The following RABGAP1L variants were observed in gnomAD, a reference collection of about 807,000 sequenced individuals.
RABGAP1L encodes RAB GTPase activating protein 1 like.
In RABGAP1L, 63 loss-of-function variants were observed where a neutral mutation model predicts 137.7. That is an observed-to-expected ratio of 0.46 (90% CI 0.37 to 0.56). RABGAP1L has a LOEUF of 0.56. Ranked by LOEUF, RABGAP1L falls within the 20% of genes least tolerant of loss-of-function variation. The pLI is 0.00. For missense variants in RABGAP1L, 1,095 were observed against 1,244.0 expected (o/e 0.88, Z 1.80); for synonymous variants, 431 against 433.7 (o/e 0.99, Z 0.08).
intron 14 of RABGAP1L, among the ~76,000 whole-genome samples, chr1:174,659,855 A>G (rs541159025): frequency 2.6e-5 from 4 of 152,252 alleles, no homozygotes; most frequent in East Asian, 1.9e-4. Flanking sequence ...CATTCTTTCA[A>G]TTCTTCAGTC....
chr1:174,754,338 C>G (rs1334401056), intron 18 of RABGAP1L, among the ~76,000 whole-genome samples: 1 of 152,110 alleles, frequency 6.6e-6, no homozygotes, highest in Non-Finnish European at 1.5e-5. Context: ...TCTATTGCCA[C>G]CACTTGGAAA....
chr1:174,597,900 C>T (rs898282012), intron 13 of RABGAP1L, among the ~76,000 whole-genome samples: 3 of 152,110 alleles, frequency 2.0e-5, no homozygotes, highest in African/African-American at 7.2e-5. Flanking sequence ...TTAATTTCTT[C>T]ATTGACTCAC....
At chr1:174,762,734 C>G (rs1685323691) in intron 18 of RABGAP1L, among the ~76,000 whole-genome samples, 1 of 151,658 alleles carries the variant, frequency 6.6e-6, no homozygotes, top group Non-Finnish European at 1.5e-5. Context: ...TTTCTTTTCC[C>G]TCACTTCCTC....
chr1:174,189,697 A>G (rs1165183418), intron 1 of RABGAP1L, among the ~76,000 whole-genome samples: 1 of 152,198 alleles, frequency 6.6e-6, no homozygotes, highest in African/African-American at 2.4e-5. Context: ...GGCTGGATGC[A>G]GTAGCTCATG....
chr1:174,730,960 A>G (rs993321003), intron 17 of RABGAP1L, among the ~76,000 whole-genome samples: 1 of 152,118 alleles, frequency 6.6e-6, no homozygotes, highest in Non-Finnish European at 1.5e-5. Context: ...AAGTGATGGT[A>G]AGGAGTATCT....
chr1:174,280,048 G>GGAGGGAGGGAGA (rs1476116577), intron 10 of RABGAP1L, among the ~76,000 whole-genome samples: 4 of 125,254 alleles, frequency 3.2e-5, no homozygotes, highest in Admixed American at 8.4e-5. Flanking sequence ...CTGTCTGCCT[G>GGAGGGAGGGAGA]GAGAGAGAGA....
intron 19 of RABGAP1L, among the ~76,000 whole-genome samples, chr1:174,923,423 A>G (rs1054052045): frequency 1.3e-5 from 2 of 152,144 alleles, no homozygotes; most frequent in African/African-American, 4.8e-5. Flanking sequence ...ATAGATTACC[A>G]TTTTTCAAAA....
chr1:174,244,840 C>T (rs896505453), intron 5 of RABGAP1L: 2 of 152,132 alleles, frequency 1.3e-5, no homozygotes, highest in African/African-American at 2.4e-5. Context: ...TGTAACCATT[C>T]TATGCAAAGC....
In RABGAP1L at chr1:174,619,004, A is replaced by G. The variant is rs576825095; in HGVS notation, c.1711-18371A>G. 7.9e-5 allele frequency among the ~76,000 whole-genome samples: 12 copies of G among 152,380 alleles called. No individual in the cohort carries two copies. The East Asian group carries it at 2.3e-3, about 29-fold the overall frequency. The stretch of plus-strand genomic sequence containing the variant: ...ACTACGTGACGAATGCACAAGCCTC[A>G]GTAGCCGATTTGATCAACTGGAAGA... On this transcript the variant is annotated intron_variant, in intron 13 of 25. Coordinates refer to ENST00000681986, the MANE Select transcript of RABGAP1L (RefSeq NM_001366446.1).
At chr1:174,619,482 A>G (rs936292488) in intron 13 of RABGAP1L, among the ~76,000 whole-genome samples, 23 of 152,236 alleles carry the variant, frequency 1.5e-4, no homozygotes, top group African/African-American at 5.5e-4. Context: ...GGGGGCCAAT[A>G]TTCAACATTC....
At chr1:174,904,068 G>A (rs1052000876) in intron 19 of RABGAP1L, among the ~76,000 whole-genome samples, 3 of 151,534 alleles carry the variant, frequency 2.0e-5, no homozygotes, top group African/African-American at 4.9e-5. Flanking sequence ...CAAATATATA[G>A]CGCCAAGATT....
intron 18 of RABGAP1L, among the ~76,000 whole-genome samples, chr1:174,773,559 T>C (rs1361962912): frequency 2.0e-5 from 3 of 152,218 alleles, no homozygotes; most frequent in African/African-American, 4.8e-5. Flanking sequence ...TTCTATTGTA[T>C]GTTCAAAGAT....
chr1:174,666,920 C>T (rs1676825947), intron 14 of RABGAP1L, among the ~76,000 whole-genome samples: 1 of 151,362 alleles, frequency 6.6e-6, no homozygotes, highest in Non-Finnish European at 1.5e-5. Context: ...CCAAGAAACT[C>T]CTACTGCCCT....
rs536306189 is a variant in RABGAP1L, at chr1:174,692,135, C to T, written c.1900-7390C>T. On this transcript the variant is annotated intron_variant, in intron 15 of 25. Coordinates refer to ENST00000681986, the MANE Select transcript of RABGAP1L (RefSeq NM_001366446.1). ...TGTTGGCAGTTACCAACAGATTGCC[C>T]TACTTGTGTGGTATGACTTCATTAA... Among the ~76,000 whole-genome samples the T allele has an allele frequency of 5.3e-5, 8 of 152,264 alleles. No homozygotes were observed. In the South Asian group the frequency reaches 8.3e-4, roughly 16 times the overall value.
chr1:174,863,565 C>T (rs1238915103), intron 19 of RABGAP1L, among the ~76,000 whole-genome samples: 3 of 151,200 alleles, frequency 2.0e-5, no homozygotes, highest in African/African-American at 4.9e-5. Flanking sequence ...CCCAGCTACT[C>T]GGGAGGCTGA....
chr1:174,568,546 C>T (rs532599163), intron 13 of RABGAP1L, among the ~76,000 whole-genome samples: 2 of 152,206 alleles, frequency 1.3e-5, no homozygotes, highest in Admixed American at 6.5e-5. Flanking sequence ...CACATTGGCT[C>T]ATAGTGGGTG....
intron 7 of RABGAP1L, among the ~76,000 whole-genome samples, chr1:174,265,544 G>GAAA (rs1048423205): frequency 3.8e-5 from 4 of 104,080 alleles, no homozygotes; most frequent in Admixed American, 1.0e-4. Context: ...AGCCTGTCTT[G>GAAA]AAAAAAAAAA....
chr1:174,422,740 G>T (rs998200011), intron 13 of RABGAP1L, among the ~76,000 whole-genome samples: 1 of 151,916 alleles, frequency 6.6e-6, no homozygotes, highest in African/African-American at 2.4e-5. Flanking sequence ...CTGAGGTCTG[G>T]AGTTTGAGAC....
At chr1:174,333,590 C>T (rs543451941) in intron 11 of RABGAP1L, among the ~76,000 whole-genome samples, 83 of 152,226 alleles carry the variant, frequency 5.5e-4, no homozygotes, top group African/African-American at 1.7e-3. Context: ...CTTTGGAAAG[C>T]GACTAAAATT....
Sources: gnomAD v4.1 joint callset for allele counts (sites outside exome capture counted in the v4.1 genomes callset) on GRCh38, gnomAD v4.1.1 for gene constraint, MANE v1.5 for transcripts, NCBI Gene and HGNC (gene_info 2026-07-23, HGNC 2026-07-21) for gene names.